UPP2: variants seen among roughly 807,000 people sequenced by gnomAD.
UPP2 encodes the protein uridine phosphorylase 2.
UPP2 carries 23 observed loss-of-function variants against 26.7 expected under a neutral mutation model. The observed-to-expected ratio is 0.86, with a 90% CI of 0.62 to 1.22. The LOEUF is 1.22. Among genes scored for constraint, UPP2 ranks in the 50% most tolerant of loss-of-function variants. The pLI is 0.00. For missense variants in UPP2, 387 were observed against 396.7 expected (o/e 0.98, Z 0.21); for synonymous variants, 127 against 141.3 (o/e 0.90, Z 0.72).
chr2:158,011,628 CATGTGAA>C (rs1683581053), intron 2 of UPP2, among the ~76,000 whole-genome samples: 1 of 141,712 alleles, frequency 7.1e-6, no homozygotes, highest in Non-Finnish European at 1.5e-5. Flanking sequence ...GATGTAGGGT[CATGTGAA>C]AAGATCAAGT....
intron 1 of UPP2, among the ~76,000 whole-genome samples, chr2:158,102,690 C>T (rs954992251): frequency 2.0e-5 from 3 of 152,202 alleles, no homozygotes; most frequent in African/African-American, 7.2e-5. Context: ...CAGAACACAA[C>T]AGAGCATTAA....
Position 158,135,012 on chromosome 2 carries a change from T to C in UPP2, c.*122T>C. On this transcript the variant is annotated 3_prime_UTR_variant, in exon 7 of 7. Transcript: ENST00000005756. ...TCATCCACATGCTAAATGGAAAGACTTTATGAAATCCTTCTCTCTTAAAAA... is the reference window on the plus strand; with the variant it reads ...TCATCCACATGCTAAATGGAAAGACCTTATGAAATCCTTCTCTCTTAAAAA... The C allele has an allele frequency of 8.5e-7, 1 of 1,172,720 alleles. No individual in the cohort carries two copies. Among genetic ancestry groups the C allele is most frequent in the Non-Finnish European group, 1.1e-6 (1 of 886,190 alleles). The allele number at this position is 1,172,720 out of a possible 1,614,324, so 72.6% of individuals were successfully genotyped here.
intron 3 of UPP2, among the ~76,000 whole-genome samples, chr2:158,067,103 G>A (rs1351043973): frequency 6.6e-6 from 1 of 151,804 alleles, no homozygotes; most frequent in Non-Finnish European, 1.5e-5. Flanking sequence ...AAAGAAGCAG[G>A]TTTCTGCTAA....
chr2:158,045,203 T>C (rs915358734), intron 3 of UPP2, among the ~76,000 whole-genome samples: 3 of 152,226 alleles, frequency 2.0e-5, no homozygotes, highest in African/African-American at 7.2e-5. Flanking sequence ...AGGAACTAAC[T>C]TGGATGAATC....
At chr2:158,038,307 G>A (rs2105161790) in intron 3 of UPP2, among the ~76,000 whole-genome samples, 1 of 152,332 alleles carries the variant, frequency 6.6e-6, no homozygotes, top group African/African-American at 2.4e-5. Flanking sequence ...AGAGGTTAAA[G>A]TGATGTGAGG....
Position 158,119,641 on chromosome 2 carries a change from T to A in UPP2, c.454+1703T>A, listed in dbSNP as rs1031807246. 1.3e-4 allele frequency among the ~76,000 whole-genome samples: 20 copies of A among 152,042 alleles called. 1 individual carries two copies. Among genetic ancestry groups the A allele is most frequent in the African/African-American group, 4.6e-4 (19 of 41,438 alleles). The stretch of plus-strand genomic sequence containing the variant: ...ATATAAATAACATCATTTTTATGTA[T>A]ATATTTTCAACTTCCCTCTCAATCA... On this transcript the variant is annotated intron_variant, in intron 4 of 6. Transcript: ENST00000005756.
chr2:158,122,068 C>T (rs896329442), intron 5 of UPP2, among the ~76,000 whole-genome samples: 8 of 151,834 alleles, frequency 5.3e-5, no homozygotes, highest in East Asian at 3.9e-4. Context: ...GATCTCAGAG[C>T]GGGGTTTTTA....
At chr2:157,999,968 G>C (rs1186231129) in intron 2 of UPP2, among the ~76,000 whole-genome samples, 1 of 151,542 alleles carries the variant, frequency 6.6e-6, no homozygotes, top group Non-Finnish European at 1.5e-5. Flanking sequence ...AGAGAGAGAG[G>C]GAGAAATGTC....
chr2:158,053,185 C>A (rs1682187661), intron 3 of UPP2, among the ~76,000 whole-genome samples: 1 of 152,120 alleles, frequency 6.6e-6, no homozygotes, highest in Non-Finnish European at 1.5e-5. Context: ...TAACAATAGC[C>A]TTTTGGGAAG....
At chr2:158,035,320 C>A (rs1362107159) in intron 3 of UPP2, among the ~76,000 whole-genome samples, 1 of 152,054 alleles carries the variant, frequency 6.6e-6, no homozygotes, top group Non-Finnish European at 1.5e-5. Context: ...CCACGCCCAG[C>A]TAATTTTTGT....
intron 3 of UPP2, among the ~76,000 whole-genome samples, chr2:158,093,487 A>G (rs184249267): frequency 5.0e-4 from 76 of 152,308 alleles, no homozygotes; most frequent in African/African-American, 1.8e-3. Flanking sequence ...TATATAACCA[A>G]CAAAGGATCA....
At chr2:158,077,878 C>T (rs2105192231) in intron 3 of UPP2, among the ~76,000 whole-genome samples, 1 of 152,076 alleles carries the variant, frequency 6.6e-6, no homozygotes, top group South Asian at 2.1e-4. Context: ...TATAAACTAC[C>T]TATCTGACAA....
chr2:158,021,614 C>T (rs932104920), intron 3 of UPP2, among the ~76,000 whole-genome samples: 1 of 152,210 alleles, frequency 6.6e-6, no homozygotes, highest in Non-Finnish European at 1.5e-5. Flanking sequence ...TCTCACCTGT[C>T]ACTATGATTT....
intron 2 of UPP2, among the ~76,000 whole-genome samples, chr2:158,000,413 T>C (rs1683387281): frequency 6.6e-6 from 1 of 152,230 alleles, no homozygotes; most frequent in Non-Finnish European, 1.5e-5. Flanking sequence ...TGTCTCATAA[T>C]ACTGGAAAAC....
chr2:158,037,986 A>G (rs755565748), intron 3 of UPP2, among the ~76,000 whole-genome samples: 11 of 152,148 alleles, frequency 7.2e-5, no homozygotes, highest in Non-Finnish European at 1.0e-4. Flanking sequence ...GGCCCTTAGA[A>G]AGAAACTAAG....
intron 3 of UPP2, among the ~76,000 whole-genome samples, chr2:158,025,511 A>T (rs1399372503): frequency 6.6e-6 from 1 of 152,220 alleles, no homozygotes; most frequent in Non-Finnish European, 1.5e-5. Flanking sequence ...ACCACAGTGC[A>T]ACTGCAAGCC....
intron 6 of UPP2, among the ~76,000 whole-genome samples, chr2:158,131,100 T>C (rs920607879): frequency 6.6e-6 from 1 of 152,198 alleles, no homozygotes; most frequent in East Asian, 1.9e-4. Context: ...GTGCTTTACA[T>C]ACCAGGCATA....
Position 158,122,568 on chromosome 2 carries a change from T to C in UPP2, c.664+950T>C, listed in dbSNP as rs925278428. Among the ~76,000 whole-genome samples, 143 of 152,224 alleles carry C rather than the reference T, an allele frequency of 9.4e-4. 1 individual carries two copies. Among genetic ancestry groups the C allele is most frequent in the African/African-American group, 3.3e-3 (139 of 41,582 alleles). ...GATATGTTAAAGCAGAATTTGCAAA[T>C]GGAAGCTTGTTAAAGTCAATGTTTC... On this transcript the variant is annotated intron_variant, in intron 5 of 6. Transcript: ENST00000005756.
At chr2:158,031,022 AT>A (rs149456889) in intron 3 of UPP2, among the ~76,000 whole-genome samples, 10 of 150,230 alleles carry the variant, frequency 6.7e-5, no homozygotes, top group South Asian at 4.2e-4. Context: ...GAGTTGTGTT[AT>A]TTTTTTTTTC....
Sources: gnomAD v4.1 joint callset for allele counts (sites outside exome capture counted in the v4.1 genomes callset) on GRCh38, gnomAD v4.1.1 for gene constraint, MANE v1.5 for transcripts, NCBI Gene and HGNC (gene_info 2026-07-23, HGNC 2026-07-21) for gene names.